Variants in CCSER2 observed in about 807,000 individuals in gnomAD.
The protein encoded by CCSER2 is coiled-coil serine rich protein 2.
Under a neutral mutation model 92.3 loss-of-function variants are expected in CCSER2, and 46 were observed. The observed-to-expected ratio is 0.50, with a 90% CI of 0.39 to 0.64. The LOEUF is 0.64. CCSER2 is among the 30% of genes least tolerant of loss of function. The pLI, the probability that CCSER2 is intolerant of heterozygous loss-of-function variation, is 0.00. For synonymous variants in CCSER2, 433 were observed against 431.4 expected (o/e 1.00, Z -0.04); for missense variants, 1,244 against 1,238.9 (o/e 1.00, Z -0.06).
intron 2 of CCSER2, 58 bp downstream of exon 2, chr10:84,372,527 AC>A (rs1846120761): frequency 1.0e-6 from 1 of 979,726 alleles, no homozygotes; most frequent in East Asian, 2.4e-5. Context: ...AACTGAACTT[AC>A]ATTTAGGATT....
chr10:84,332,089 TATTG>T (rs1421292888), intron 1 of CCSER2, among the ~76,000 whole-genome samples: 1 of 152,176 alleles, frequency 6.6e-6, no homozygotes. Flanking sequence ...TTCTAAAAGA[TATTG>T]ATTTACAGAC....
At chr10:84,328,985 C>T (rs1843406112) in intron 1 of CCSER2, among the ~76,000 whole-genome samples, 177 bp downstream of exon 1, 1 of 151,654 alleles carries the variant, frequency 6.6e-6, no homozygotes, top group Non-Finnish European at 1.5e-5. Flanking sequence ...CGCGAGCCGC[C>T]GGACGCGGGG....
chr10:84,347,661 C>T (rs934790663), intron 1 of CCSER2, among the ~76,000 whole-genome samples: 9 of 148,538 alleles, frequency 6.1e-5, no homozygotes, highest in Admixed American at 1.3e-4. Flanking sequence ...ACTTCCCAGA[C>T]GGGCGGCTGC....
intron 1 of CCSER2, among the ~76,000 whole-genome samples, chr10:84,348,045 T>C (rs1844629103): frequency 6.6e-6 from 1 of 151,906 alleles, no homozygotes. Context: ...ACTTCCCAGA[T>C]GGGGTGGCGG....
intron 9 of CCSER2, chr10:84,507,352 T>A: frequency 5.1e-6 from 5 of 982,570 alleles, no homozygotes; most frequent in Admixed American, 6.1e-5. Flanking sequence ...CAATTTCGGA[T>A]TTTTTCCTAC....
chr10:84,426,215 C>T (rs982387558), intron 5 of CCSER2, among the ~76,000 whole-genome samples: 2 of 151,932 alleles, frequency 1.3e-5, no homozygotes, highest in African/African-American at 4.8e-5. Flanking sequence ...TTAGTTTTTC[C>T]AAATAATATT....
intron 1 of CCSER2, among the ~76,000 whole-genome samples, chr10:84,358,408 T>G (rs1189445467): frequency 6.6e-6 from 1 of 152,072 alleles, no homozygotes; most frequent in African/African-American, 2.4e-5. Context: ...TATGTTCACT[T>G]TGTAAGTATA....
intron 1 of CCSER2, among the ~76,000 whole-genome samples, chr10:84,355,675 T>C (rs61865024): frequency 0.1 from 15,190 of 152,328 alleles, 958 homozygotes; most frequent in Admixed American, 0.15. Context: ...AAATGTTTAA[T>C]AACTAAATGA....
In CCSER2 at chr10:84,335,228, C is replaced by CTTTTTT. The variant is rs1202869188; in HGVS notation, c.-40+6438_-40+6443dup. ...CCCAGCATTCTACTTCTCTCTCTCTCTTTTTTTTTTTTTTTTTTTTTTTGA... is the reference window on the plus strand; with the variant it reads ...CCCAGCATTCTACTTCTCTCTCTCTCTTTTTTTTTTTTTTTTTTTTTTTTTTTTTGA... On this transcript the variant is annotated intron_variant, in intron 1 of 9. Coordinates refer to ENST00000372088, the MANE Select transcript of CCSER2 (RefSeq NM_001284240.2). Among the ~76,000 whole-genome samples the CTTTTTT allele has an allele frequency of 4.4e-4, 31 of 70,004 alleles. 1 individual carries two copies. Among genetic ancestry groups the CTTTTTT allele is most frequent in the African/African-American group, 9.7e-4 (17 of 17,482 alleles). The allele number at this position is 70,004 out of a possible 152,430, so 45.9% of individuals were successfully genotyped here.
chr10:84,402,478 T>G (rs1842169756), intron 3 of CCSER2, among the ~76,000 whole-genome samples: 1 of 152,234 alleles, frequency 6.6e-6, no homozygotes, highest in Non-Finnish European at 1.5e-5. Context: ...AAACACTATT[T>G]GCCAAATGGG....
intron 8 of CCSER2, among the ~76,000 whole-genome samples, chr10:84,476,697 C>T (rs1355240017): frequency 6.6e-6 from 1 of 152,116 alleles, no homozygotes; most frequent in East Asian, 1.9e-4. Context: ...CCCGCCTCGG[C>T]CTCCCAAAGT....
rs1265929470 is a variant in CCSER2, at chr10:84,338,432, C to A, written c.-40+9624C>A. Among the ~76,000 whole-genome samples the A allele has an allele frequency of 2.0e-5, 3 of 152,006 alleles. No homozygotes were observed. The East Asian group carries it at 5.8e-4, about 29-fold the overall frequency. On this transcript the variant is annotated intron_variant, in intron 1 of 9. Transcript: ENST00000372088. ...TTTTGGCATAGTGAAATTAGGGTCCCAAGTTTTTACTTTCACAATACAAAT... is the reference window on the plus strand; with the variant it reads ...TTTTGGCATAGTGAAATTAGGGTCCAAAGTTTTTACTTTCACAATACAAAT...
In CCSER2 at chr10:84,490,902, C is replaced by T. The variant is rs549627404; in HGVS notation, c.2325+13238C>T. On this transcript the variant is annotated intron_variant, in intron 9 of 9. Transcript: ENST00000372088. ...ACCTTTGGTCTTTGATGATGGTGAC[C>T]GACAGATGGGATTTTGGTGTGGATG... 1.4e-4 allele frequency among the ~76,000 whole-genome samples: 21 copies of T among 152,176 alleles called. No homozygotes were observed. The East Asian group carries it at 3.1e-3, about 22-fold the overall frequency.
Position 84,438,420 on chromosome 10 carries a change from G to A in CCSER2, c.1869-92G>A. On this transcript the variant is annotated intron_variant, in intron 5 of 9. Transcript: ENST00000372088. ...CCATGGTGATAATGATAAGTGATTTGTAATAATCACTGCAATAATTTCATT... is the reference window on the plus strand; with the variant it reads ...CCATGGTGATAATGATAAGTGATTTATAATAATCACTGCAATAATTTCATT... 7 of 755,692 alleles carry A rather than the reference G, an allele frequency of 9.3e-6. No homozygotes were observed. In the South Asian group the frequency reaches 1.4e-4, roughly 15 times the overall value. 46.8% of individuals were successfully genotyped at this position (755,692 alleles called of 1,614,324 possible). A position where few individuals can be genotyped will look rare whatever the true frequency, so the allele number is the denominator to read the frequency against.
chr10:84,505,014 A>T (rs1848968813), intron 9 of CCSER2, among the ~76,000 whole-genome samples: 1 of 152,140 alleles, frequency 6.6e-6, no homozygotes, highest in Non-Finnish European at 1.5e-5. Flanking sequence ...GTGACTCATT[A>T]TGGAGGAATT....
intron 1 of CCSER2, among the ~76,000 whole-genome samples, chr10:84,337,757 G>A (rs1418323285): frequency 6.6e-6 from 1 of 152,134 alleles, no homozygotes; most frequent in East Asian, 1.9e-4. Context: ...ATGCATGCCA[G>A]GGAGACAAGT....
intron 6 of CCSER2, among the ~76,000 whole-genome samples, chr10:84,461,662 T>G (rs1029846738): frequency 6.4e-5 from 9 of 141,656 alleles, no homozygotes; most frequent in Non-Finnish European, 7.6e-5. Flanking sequence ...TTATATTCTG[T>G]TTTTTTTTTT....
At chr10:84,452,385 G>T (rs1366314487) in intron 6 of CCSER2, 1 of 152,174 alleles carries the variant, frequency 6.6e-6, no homozygotes, top group Non-Finnish European at 1.5e-5. Context: ...GTTTGCCATT[G>T]TGATGTGTCA....
At chr10:84,462,911 G>A (rs1846187798) in intron 6 of CCSER2, among the ~76,000 whole-genome samples, 1 of 152,216 alleles carries the variant, frequency 6.6e-6, no homozygotes, top group African/African-American at 2.4e-5. Flanking sequence ...AGATTGCAAT[G>A]TTATGTTCCT....
Sources: allele counts gnomAD v4.1 joint callset (sites outside exome capture counted in the v4.1 genomes callset), GRCh38; gene constraint gnomAD v4.1.1; transcripts MANE v1.5; gene names NCBI Gene and HGNC (gene_info 2026-07-23, HGNC 2026-07-21).